The following ANTXR1 variants were observed in gnomAD, a reference collection of about 807,000 sequenced individuals.
The protein encoded by ANTXR1 is ANTXR cell adhesion molecule 1.
A neutral mutation model predicts 78.1 loss-of-function variants in ANTXR1; 19 were observed. That is an observed-to-expected ratio of 0.24 (90% CI 0.17 to 0.36). ANTXR1 has a LOEUF of 0.36. Ranked by LOEUF, ANTXR1 falls within the 10% of genes least tolerant of loss-of-function variation. ANTXR1 has a pLI of 1.00. For missense variants in ANTXR1, 518 were observed against 718.6 expected (o/e 0.72, Z 3.19); for synonymous variants, 273 against 260.5 (o/e 1.05, Z -0.46).
chr2:69,078,413 C>A (rs548584581), intron 8 of ANTXR1, among the ~76,000 whole-genome samples: 2 of 152,328 alleles, frequency 1.3e-5, no homozygotes, highest in African/African-American at 4.8e-5. Context: ...CCTCTTAAGA[C>A]ATCAAGGGGG....
At chr2:69,070,608 A>C in intron 3 of ANTXR1, 39 bp from the exon 4 acceptor site, 1 of 1,597,900 alleles carries the variant, frequency 6.3e-7, no homozygotes, top group South Asian at 1.1e-5. Context: ...AAAGTAAAAA[A>C]TACTCAAATA....
At chr2:69,242,972 G>A (rs1267228206) in intron 17 of ANTXR1, among the ~76,000 whole-genome samples, 3 of 152,258 alleles carry the variant, frequency 2.0e-5, no homozygotes, top group African/African-American at 4.8e-5. Flanking sequence ...GCAGCGAGGA[G>A]GGGGTAAATT....
At chr2:69,036,756 T>G (rs1428878606) in intron 1 of ANTXR1, among the ~76,000 whole-genome samples, 1 of 152,202 alleles carries the variant, frequency 6.6e-6, no homozygotes, top group African/African-American at 2.4e-5. Flanking sequence ...TGTAGAATTC[T>G]GGATTGGCAA....
At chr2:69,097,676 G>A (rs1671476410) in intron 9 of ANTXR1, among the ~76,000 whole-genome samples, 1 of 152,184 alleles carries the variant, frequency 6.6e-6, no homozygotes, top group Non-Finnish European at 1.5e-5. Flanking sequence ...AGTTTTGGTA[G>A]TTTCTTACAA....
intron 13 of ANTXR1, among the ~76,000 whole-genome samples, chr2:69,164,220 T>C (rs1281257552): frequency 6.6e-6 from 1 of 152,156 alleles, no homozygotes; most frequent in African/African-American, 2.4e-5. Context: ...GATGGCACAA[T>C]TAACCGTAAG....
In ANTXR1 at chr2:69,152,158, TG is replaced by T; in HGVS notation, c.952-9del. On this transcript the variant is annotated splice_polypyrimidine_tract_variant and intron_variant, in intron 12 of 17. Coordinates refer to ENST00000303714, the MANE Select transcript of ANTXR1 (RefSeq NM_032208.3). ...ATCCCGCTGCTGACCGCCTCTCTCTTGGCCCTGCAGTCTGACGGTTCCATCC... is the reference window on the plus strand; with the variant it reads ...ATCCCGCTGCTGACCGCCTCTCTCTTGCCCTGCAGTCTGACGGTTCCATCC... 1 of 1,613,784 alleles carries T rather than the reference TG, an allele frequency of 6.2e-7. No homozygotes were observed. The highest frequency in any genetic ancestry group is 1.1e-5 in the South Asian group (1 of 91,078).
intron 5 of ANTXR1, 61 bp from the exon 6 acceptor site, chr2:69,072,940 AAGAGGTTGAATCCTGGGACTG>A: frequency 2.6e-5 from 36 of 1,381,538 alleles, no homozygotes; most frequent in Non-Finnish European, 3.6e-5. Context: ...TTGAACTCGT[AAGAGGTTGAATCCTGGGACTG>A]AGAGGGTGTT....
intron 8 of ANTXR1, among the ~76,000 whole-genome samples, chr2:69,078,722 T>A (rs935190150): frequency 5.9e-5 from 9 of 152,204 alleles, no homozygotes; most frequent in Non-Finnish European, 1.5e-5. Context: ...CTGGTGAAAA[T>A]GCCTAATACT....
At chr2:69,055,680 C>T (rs190898575) in intron 3 of ANTXR1, among the ~76,000 whole-genome samples, 55 of 149,500 alleles carry the variant, frequency 3.7e-4, no homozygotes, top group Admixed American at 1.4e-3. Context: ...TATTCTATTC[C>T]ATAACATAAT....
At chr2:69,234,869 T>C (rs1187099303) in intron 17 of ANTXR1, among the ~76,000 whole-genome samples, 3 of 152,070 alleles carry the variant, frequency 2.0e-5, no homozygotes, top group Non-Finnish European at 4.4e-5. Context: ...AGTTAATTAA[T>C]TTGTCCAAGA....
At chr2:69,237,680 T>C (rs1000915460) in intron 17 of ANTXR1, among the ~76,000 whole-genome samples, 2 of 152,142 alleles carry the variant, frequency 1.3e-5, no homozygotes, top group African/African-American at 4.8e-5. Flanking sequence ...GTTGGCCTCC[T>C]AAAGTGCTGA....
intron 17 of ANTXR1, among the ~76,000 whole-genome samples, chr2:69,239,571 G>T (rs749876242): frequency 2.0e-5 from 3 of 152,198 alleles, no homozygotes; most frequent in Non-Finnish European, 2.9e-5. Context: ...AATGTTGATG[G>T]AATTATAGAA....
At chr2:69,051,929 CTGATA>C (rs979022833) in intron 3 of ANTXR1, among the ~76,000 whole-genome samples, 1 of 151,918 alleles carries the variant, frequency 6.6e-6, no homozygotes, top group Non-Finnish European at 1.5e-5. Context: ...TTTGCACTTC[CTGATA>C]TATCTTTTTC....
intron 10 of ANTXR1, among the ~76,000 whole-genome samples, chr2:69,116,114 T>C (rs1672136236): frequency 6.6e-6 from 1 of 152,186 alleles, no homozygotes. Context: ...TTTTCTAGAG[T>C]TTAATGTCTT....
At chr2:69,047,857 C>G (rs1273542179) in intron 3 of ANTXR1, among the ~76,000 whole-genome samples, 1 of 152,132 alleles carries the variant, frequency 6.6e-6, no homozygotes, top group Non-Finnish European at 1.5e-5. Context: ...GTTTAGGTAA[C>G]CTGCCGAGGT....
chr2:69,178,649 G>A (rs759951851), intron 14 of ANTXR1, among the ~76,000 whole-genome samples: 1 of 152,186 alleles, frequency 6.6e-6, no homozygotes, highest in Non-Finnish European at 1.5e-5. Flanking sequence ...GGGGAAACCG[G>A]CTTCATGCAT....
chr2:69,182,802 T>G, intron 16 of ANTXR1, 142 bp downstream of exon 16: 1 of 1,079,094 alleles, frequency 9.3e-7, no homozygotes, highest in South Asian at 1.4e-5. Context: ...ATTATGGACT[T>G]GAAAGTACTA....
intron 8 of ANTXR1, among the ~76,000 whole-genome samples, chr2:69,087,835 G>A (rs1237645057): frequency 6.6e-6 from 1 of 152,070 alleles, no homozygotes; most frequent in Non-Finnish European, 1.5e-5. Context: ...GTTCAGACAG[G>A]CTGATTACCA....
chr2:69,017,716 GT>G (rs1671063241), intron 1 of ANTXR1, among the ~76,000 whole-genome samples: 1 of 152,128 alleles, frequency 6.6e-6, no homozygotes, highest in African/African-American at 2.4e-5. Flanking sequence ...TGCTTTTCTG[GT>G]TATAGTCAGG....
Sources: allele counts gnomAD v4.1 joint callset (sites outside exome capture counted in the v4.1 genomes callset), GRCh38; gene constraint gnomAD v4.1.1; transcripts MANE v1.5; gene names NCBI Gene and HGNC (gene_info 2026-07-23, HGNC 2026-07-21).